Variants in HS3ST4 observed in about 807,000 individuals in gnomAD.
The protein encoded by HS3ST4 is heparan sulfate-glucosamine 3-sulfotransferase 4, also known as heparan sulfate glucosamine 3-O-sulfotransferase 4.
HS3ST4 carries 17 observed loss-of-function variants against 29.2 expected under a neutral mutation model. The ratio of observed to expected loss-of-function variants is 0.58; its 90% confidence interval spans 0.40 to 0.87. HS3ST4 has a LOEUF of 0.87. HS3ST4 is among the 40% of genes least tolerant of loss of function. The probability of loss-of-function intolerance (pLI) is 0.00; values close to 1 mark genes in which losing one functional copy is unlikely to be tolerated. For missense variants in HS3ST4, 627 were observed against 634.5 expected (o/e 0.99, Z 0.13); for synonymous variants, 314 against 285.7 (o/e 1.10, Z -1.00).
chr16:25,726,476 A>G (rs912153816), intron 1 of HS3ST4, among the ~76,000 whole-genome samples: 2 of 152,190 alleles, frequency 1.3e-5, no homozygotes, highest in Admixed American at 6.5e-5. Flanking sequence ...ATACACACAC[A>G]GACCCCATTT....
intron 1 of HS3ST4, among the ~76,000 whole-genome samples, chr16:25,951,803 A>G (rs937376178): frequency 1.3e-5 from 2 of 152,184 alleles, no homozygotes; most frequent in Admixed American, 1.3e-4. Context: ...ACCCTAGACC[A>G]AGAGTTGGCA....
intron 1 of HS3ST4, among the ~76,000 whole-genome samples, chr16:25,862,486 C>T (rs1462813439): frequency 6.6e-6 from 1 of 152,196 alleles, no homozygotes; most frequent in Admixed American, 6.5e-5. Context: ...AGCCACCTCA[C>T]CCAGCCTTCC....
chr16:25,910,059 G>A (rs1409981837), intron 1 of HS3ST4, among the ~76,000 whole-genome samples: 2 of 152,120 alleles, frequency 1.3e-5, no homozygotes, highest in East Asian at 3.9e-4. Context: ...GCCAGCTGAA[G>A]GCATCAATCA....
chr16:26,028,912 G>A (rs960790308), intron 1 of HS3ST4: 1 of 152,210 alleles, frequency 6.6e-6, no homozygotes, highest in African/African-American at 2.4e-5. Context: ...TGGGTCTTTT[G>A]TCTATGGCCA....
chr16:26,097,719 C>G (rs9708504), intron 1 of HS3ST4, among the ~76,000 whole-genome samples: 76,860 of 151,920 alleles, frequency 0.51, 19,713 homozygotes, highest in Middle Eastern at 0.6. Context: ...CAACAAAAGC[C>G]AAAATAGACA....
chr16:26,040,718 A>G (rs1396711414), intron 1 of HS3ST4, among the ~76,000 whole-genome samples: 2 of 152,078 alleles, frequency 1.3e-5, no homozygotes, highest in Non-Finnish European at 2.9e-5. Flanking sequence ...CTGGTGCTTA[A>G]TGAATGTTTA....
chr16:25,981,609 C>CTTT (rs376892231), intron 1 of HS3ST4, among the ~76,000 whole-genome samples: 23,195 of 136,732 alleles, frequency 0.17, 5,036 homozygotes, highest in African/African-American at 0.49. Flanking sequence ...TGGTGGAGTT[C>CTTT]TTTTTTTTTT....
intron 1 of HS3ST4, among the ~76,000 whole-genome samples, chr16:25,877,719 T>G (rs1967847477): frequency 8.2e-6 from 1 of 121,776 alleles, no homozygotes; most frequent in Admixed American, 8.6e-5. Context: ...TCTATTGTTT[T>G]AAGCCACCCA....
At chr16:25,857,635 A>G (rs114333665) in intron 1 of HS3ST4, among the ~76,000 whole-genome samples, 2,794 of 152,192 alleles carry the variant, frequency 0.018, 82 homozygotes, top group African/African-American at 0.064. Flanking sequence ...AGGGCTTTCT[A>G]TTGTGTCTTA....
chr16:25,780,443 G>A (rs1295852480), intron 1 of HS3ST4, among the ~76,000 whole-genome samples: 3 of 152,134 alleles, frequency 2.0e-5, no homozygotes, highest in Non-Finnish European at 2.9e-5. Context: ...GATCATAGGG[G>A]TCTCTTGTTG....
intron 1 of HS3ST4, among the ~76,000 whole-genome samples, chr16:25,970,047 G>T (rs959412677): frequency 6.6e-6 from 1 of 152,220 alleles, no homozygotes; most frequent in African/African-American, 2.4e-5. Context: ...GAAATAAATG[G>T]ATAGTACTGT....
intron 1 of HS3ST4, among the ~76,000 whole-genome samples, chr16:26,081,944 C>T (rs923758997): frequency 2.6e-5 from 4 of 151,948 alleles, no homozygotes; most frequent in African/African-American, 7.2e-5. Flanking sequence ...TATAGGGATG[C>T]ACCACCATGC....
intron 1 of HS3ST4, among the ~76,000 whole-genome samples, chr16:25,902,082 C>T (rs1272823134): frequency 1.3e-5 from 2 of 152,106 alleles, no homozygotes; most frequent in Admixed American, 6.5e-5. Context: ...TTCTGCATTT[C>T]CCCATTTCTT....
chr16:25,940,552 CTGGGAGAGCTCTCATGTT>C (rs1201848054), intron 1 of HS3ST4, among the ~76,000 whole-genome samples: 6 of 152,152 alleles, frequency 3.9e-5, no homozygotes, highest in Non-Finnish European at 7.3e-5. Context: ...ATGCTGAGAG[CTGGGAGAGCTCTCATGTT>C]TGGGAGAGCT....
At chr16:26,048,943 C>T (rs1184030616) in intron 1 of HS3ST4, among the ~76,000 whole-genome samples, 1 of 152,118 alleles carries the variant, frequency 6.6e-6, no homozygotes, top group African/African-American at 2.4e-5. Context: ...GTCTGTCATA[C>T]CTCTCTGCCC....
chr16:25,872,901 GTTTTGTTTC>G (rs1280053865), intron 1 of HS3ST4, among the ~76,000 whole-genome samples: 5 of 151,852 alleles, frequency 3.3e-5, no homozygotes, highest in African/African-American at 1.2e-4. Context: ...GTTTTGTTTT[GTTTTGTTTC>G]GTTTTGCCAG....
intron 1 of HS3ST4, among the ~76,000 whole-genome samples, chr16:25,884,338 C>T (rs1237540297): frequency 6.6e-6 from 1 of 152,188 alleles, no homozygotes; most frequent in Admixed American, 6.5e-5. Flanking sequence ...TGATTCAAGT[C>T]TCAGATCAAA....
At chr16:25,700,991 A>G (rs1263120965) in intron 1 of HS3ST4, among the ~76,000 whole-genome samples, 2 of 152,208 alleles carry the variant, frequency 1.3e-5, no homozygotes, top group Admixed American at 1.3e-4. Context: ...TATTGTAAAC[A>G]ACAAAAGACA....
chr16:25,960,136 C>CA (rs954208203), intron 1 of HS3ST4, among the ~76,000 whole-genome samples: 24 of 150,828 alleles, frequency 1.6e-4, no homozygotes, highest in South Asian at 4.2e-4. Context: ...AACTCCGTCT[C>CA]AAAAAAAAAG....
Sources: allele counts gnomAD v4.1 joint callset (sites outside exome capture counted in the v4.1 genomes callset), GRCh38; gene constraint gnomAD v4.1.1; transcripts MANE v1.5; gene names NCBI Gene and HGNC (gene_info 2026-07-23, HGNC 2026-07-21).